TF: variants seen among roughly 807,000 people sequenced by gnomAD.
TF encodes serotransferrin.
TF carries 55 observed loss-of-function variants against 82.4 expected under a neutral mutation model. The observed-to-expected ratio is 0.67, with a 90% CI of 0.54 to 0.84. The LOEUF (loss-of-function observed/expected upper bound fraction) is 0.84, where lower values mean the gene tolerates loss of function less well. Among genes scored for constraint, TF ranks in the 40% least tolerant of loss-of-function variants. The pLI, the probability that TF is intolerant of heterozygous loss-of-function variation, is 0.00. For missense variants in TF, 737 were observed against 868.4 expected (o/e 0.85, Z 1.90); for synonymous variants, 332 against 332.6 (o/e 1.00, Z 0.02).
At chr3:133,768,224 T>C (rs1048866415) in intron 13 of TF, 60 bp downstream of exon 13, 3 of 1,602,806 alleles carry the variant, frequency 1.9e-6, no homozygotes, top group Non-Finnish European at 2.6e-6. Context: ...AGATTTCTTT[T>C]AGGAACTAAG....
At chr3:133,669,465 G>A in the TF span, among the ~76,000 whole-genome samples, 33 of 152,320 alleles carry the variant, frequency 2.2e-4, 1 homozygote, top group African/African-American at 6.0e-4. Flanking sequence ...TAGTTTCCTA[G>A]CCAGAGACTA....
At chr3:133,732,968 A>T in the TF span, among the ~76,000 whole-genome samples, 1 of 152,194 alleles carries the variant, frequency 6.6e-6, no homozygotes, top group African/African-American at 2.4e-5. Context: ...TCAGTCAGGG[A>T]GAACCAGGGC....
At chr3:133,697,278 A>G in the TF span, among the ~76,000 whole-genome samples, 1 of 148,706 alleles carries the variant, frequency 6.7e-6, no homozygotes, top group Non-Finnish European at 1.5e-5. Flanking sequence ...TTACACATTG[A>G]CTACAATTAT....
the TF span, among the ~76,000 whole-genome samples, chr3:133,740,461 G>A: frequency 6.6e-6 from 1 of 152,034 alleles, no homozygotes; most frequent in Non-Finnish European, 1.5e-5. Context: ...CTCCCGAGTA[G>A]GTAGGACTAC....
chr3:133,699,513 G>A, the TF span: 32 of 1,095,260 alleles, frequency 2.9e-5, no homozygotes, highest in Non-Finnish European at 4.1e-5. Context: ...CCAGAAGCTG[G>A]TAGTTGGATA....
At chr3:133,683,214 G>T in the TF span, among the ~76,000 whole-genome samples, 1 of 152,080 alleles carries the variant, frequency 6.6e-6, no homozygotes, top group Non-Finnish European at 1.5e-5. Context: ...CACTAAACAT[G>T]GAAAGGAAAA....
the TF span, among the ~76,000 whole-genome samples, chr3:133,733,342 G>C: frequency 6.6e-6 from 1 of 152,262 alleles, no homozygotes; most frequent in East Asian, 1.9e-4. Flanking sequence ...CACAAAACTC[G>C]TGTGTCCCCA....
the TF span, among the ~76,000 whole-genome samples, chr3:133,692,034 G>C: frequency 6.6e-6 from 1 of 152,238 alleles, no homozygotes; most frequent in Non-Finnish European, 1.5e-5. Context: ...TGCACATTTT[G>C]ATAGAAACTC....
chr3:133,729,592 C>G, the TF span, among the ~76,000 whole-genome samples: 22 of 152,354 alleles, frequency 1.4e-4, no homozygotes, highest in African/African-American at 4.8e-4. Flanking sequence ...AAGAGAACTC[C>G]CTGACCCCTT....
At chr3:133,735,450 T>G in the TF span, among the ~76,000 whole-genome samples, 1 of 151,872 alleles carries the variant, frequency 6.6e-6, no homozygotes. Flanking sequence ...GGACAGAGAA[T>G]GAGTTTGACG....
At chr3:133,757,380 G>A (rs1177804662) in intron 7 of TF, among the ~76,000 whole-genome samples, 2 of 152,190 alleles carry the variant, frequency 1.3e-5, no homozygotes, top group Admixed American at 6.5e-5. Context: ...GCTGTGAGGG[G>A]GCTGCCTGCA....
rs1934863295 is a variant in TF, at chr3:133,792,414, T to C, written c.*13794T>C. On this transcript the variant is annotated 3_prime_UTR_variant, in exon 17 of 17. Transcript: ENST00000402696. ...GTGATTAGACCTCCTAAATGCTTCA[T>C]AAAATGCCACTATGACTCTTAACTC... The C allele has an allele frequency of 6.6e-6, 1 of 152,240 alleles. No homozygotes were observed. Among genetic ancestry groups the C allele is most frequent in the East Asian group, 1.9e-4 (1 of 5,206 alleles). 9.4% of individuals were successfully genotyped at this position (152,240 alleles called of 1,614,324 possible). A position where few individuals can be genotyped will look rare whatever the true frequency, so the allele number is the denominator to read the frequency against.
chr3:133,724,858 T>C, the TF span, among the ~76,000 whole-genome samples: 1 of 152,348 alleles, frequency 6.6e-6, no homozygotes, highest in East Asian at 1.9e-4. Context: ...GGATCCAGTT[T>C]CAGCTTTCTA....
At chr3:133,732,680 G>A in the TF span, among the ~76,000 whole-genome samples, 10 of 152,168 alleles carry the variant, frequency 6.6e-5, no homozygotes, top group African/African-American at 2.4e-4. Context: ...CAGCACACCA[G>A]AAGGAAAAAA....
the TF span, among the ~76,000 whole-genome samples, chr3:133,673,267 C>A: frequency 1.3e-5 from 2 of 152,132 alleles, no homozygotes; most frequent in Non-Finnish European, 2.9e-5. Context: ...AAAAACAAAA[C>A]TGACCTTATT....
At chr3:133,742,076 TG>T (rs2107901897), upstream of TF, among the ~76,000 whole-genome samples, 1 of 152,282 alleles carries the variant, frequency 6.6e-6, no homozygotes, top group African/African-American at 2.4e-5. Flanking sequence ...CTTGAACTCC[TG>T]GGCTCAAGCA....
At chr3:133,689,770 T>C in the TF span, among the ~76,000 whole-genome samples, 10 of 152,196 alleles carry the variant, frequency 6.6e-5, no homozygotes, top group African/African-American at 2.4e-4. Context: ...CGTGATATGA[T>C]ATAGATGCAA....
chr3:133,751,655 C>T (rs191360862), intron 2 of TF, among the ~76,000 whole-genome samples: 24 of 152,210 alleles, frequency 1.6e-4, no homozygotes, highest in African/African-American at 5.5e-4. Flanking sequence ...TATAAAACAA[C>T]GTGAATGCAT....
chr3:133,688,910 A>G, the TF span, among the ~76,000 whole-genome samples: 5 of 152,260 alleles, frequency 3.3e-5, no homozygotes, highest in Non-Finnish European at 7.3e-5. Flanking sequence ...AGTCATTTTC[A>G]TATACCAACA....
Sources: gnomAD v4.1 joint callset for allele counts (sites outside exome capture counted in the v4.1 genomes callset) on GRCh38, gnomAD v4.1.1 for gene constraint, MANE v1.5 for transcripts, NCBI Gene and HGNC (gene_info 2026-07-23, HGNC 2026-07-21) for gene names.